The following POLR3B variants were observed in gnomAD, a reference collection of about 807,000 sequenced individuals.
POLR3B encodes DNA-directed RNA polymerase III subunit RPC2.
In POLR3B, 96 loss-of-function variants were observed where a neutral mutation model predicts 147.4. The observed-to-expected ratio is 0.65, with a 90% CI of 0.55 to 0.77. POLR3B has a LOEUF of 0.77. POLR3B is among the 30% of genes least tolerant of loss of function. The probability of loss-of-function intolerance (pLI) is 0.00; values close to 1 mark genes in which losing one functional copy is unlikely to be tolerated. For missense variants in POLR3B, 1,036 were observed against 1,413.5 expected, an observed-to-expected ratio of 0.73 and a Z score of 4.28; for synonymous variants, 461 against 485.9, an observed-to-expected ratio of 0.95 and a Z score of 0.67.
intron 11 of POLR3B, among the ~76,000 whole-genome samples, chr12:106,406,408 A>G (rs1256396477): frequency 6.6e-6 from 1 of 152,256 alleles, no homozygotes; most frequent in African/African-American, 2.4e-5. Flanking sequence ...ATAGTAAAAT[A>G]TGCTTAATGG....
chr12:106,475,718 G>C (rs2137050577), intron 23 of POLR3B, among the ~76,000 whole-genome samples: 1 of 146,572 alleles, frequency 6.8e-6, no homozygotes, highest in South Asian at 2.2e-4. Context: ...CCATTTGCTT[G>C]GTAGATCTTC....
chr12:106,466,702 A>G (rs2038010384), intron 23 of POLR3B, among the ~76,000 whole-genome samples: 2 of 152,182 alleles, frequency 1.3e-5, no homozygotes, highest in South Asian at 4.1e-4. Context: ...CATTTATTAA[A>G]TAGGGAATTT....
chr12:106,419,757 T>TG (rs11372086), intron 12 of POLR3B, among the ~76,000 whole-genome samples: 47,068 of 146,850 alleles, frequency 0.32, 10,479 homozygotes, highest in African/African-American at 0.63. Context: ...GAAGTCTACT[T>TG]TTTTTTTATT....
At chr12:106,459,444 G>A (rs963114897) in intron 22 of POLR3B, 76 bp downstream of exon 22, 4 of 835,410 alleles carry the variant, frequency 4.8e-6, no homozygotes, top group Non-Finnish European at 8.4e-6. Context: ...TCGAAGTTAG[G>A]TCTTGGCGTG....
intron 19 of POLR3B, among the ~76,000 whole-genome samples, chr12:106,447,640 G>A (rs1172129598): frequency 3.9e-5 from 6 of 152,178 alleles, no homozygotes; most frequent in Non-Finnish European, 8.8e-5. Context: ...CCGATGCCAA[G>A]TTCACATGAG....
At chr12:106,478,550 T>C (rs962751252) in intron 23 of POLR3B, among the ~76,000 whole-genome samples, 3 of 152,088 alleles carry the variant, frequency 2.0e-5, no homozygotes, top group Non-Finnish European at 4.4e-5. Flanking sequence ...GTAAAAACCT[T>C]CTGATTAGCC....
At chr12:106,473,856 T>A (rs911553233) in intron 23 of POLR3B, among the ~76,000 whole-genome samples, 1 of 150,158 alleles carries the variant, frequency 6.7e-6, no homozygotes, top group African/African-American at 2.5e-5. Flanking sequence ...TACCCTTTAT[T>A]TCCTTCTCCT....
chr12:106,376,527 C>G (rs1012225503), intron 7 of POLR3B, 77 bp downstream of exon 7: 32 of 1,039,262 alleles, frequency 3.1e-5, no homozygotes, highest in Non-Finnish European at 4.2e-5. Flanking sequence ...AACATTTTGT[C>G]TCAAAAACAG....
chr12:106,500,331 T>C (rs1592779961), intron 25 of POLR3B: 6 of 366,502 alleles, frequency 1.6e-5, no homozygotes, highest in South Asian at 8.5e-5. Flanking sequence ...CTACAGACTT[T>C]CTAAAGATTC....
chr12:106,493,706 G>T (rs1273650797), intron 23 of POLR3B, among the ~76,000 whole-genome samples: 2 of 152,240 alleles, frequency 1.3e-5, no homozygotes, highest in African/African-American at 4.8e-5. Flanking sequence ...TCTGCAGTTG[G>T]ATGTGTAGCT....
intron 23 of POLR3B, among the ~76,000 whole-genome samples, chr12:106,470,909 G>A (rs1050534473): frequency 5.3e-5 from 8 of 152,102 alleles, no homozygotes; most frequent in South Asian, 2.1e-4. Context: ...CAGGCTACAC[G>A]GGGGTCAGGG....
intron 12 of POLR3B, among the ~76,000 whole-genome samples, chr12:106,421,285 T>C (rs1027281196): frequency 1.3e-5 from 2 of 152,086 alleles, no homozygotes; most frequent in South Asian, 4.1e-4. Flanking sequence ...GGTTTCCATA[T>C]GCAAGAGTTT....
chr12:106,361,199 G>A (rs1219307155), intron 1 of POLR3B, among the ~76,000 whole-genome samples: 2 of 152,194 alleles, frequency 1.3e-5, no homozygotes, highest in South Asian at 4.1e-4. Context: ...GAGTAGTAAG[G>A]AAGTATTGCC....
intron 18 of POLR3B, among the ~76,000 whole-genome samples, chr12:106,444,005 TAG>T (rs1272259884): frequency 1.3e-5 from 2 of 151,072 alleles, no homozygotes; most frequent in African/African-American, 4.9e-5. Context: ...GTATTTTTAA[TAG>T]AGACAGGGTT....
rs760062367 is a variant in POLR3B, at chr12:106,504,784, T to C, written c.3272+530T>C. Among the ~76,000 whole-genome samples the C allele has an allele frequency of 2.6e-5, 4 of 152,220 alleles. No individual in the cohort carries two copies. Among genetic ancestry groups the C allele is most frequent in the Admixed American group, 6.5e-5 (1 of 15,282 alleles). On this transcript the variant is annotated intron_variant, in intron 27 of 27. Coordinates refer to ENST00000228347, the MANE Select transcript of POLR3B (RefSeq NM_018082.6). The surrounding 1 kb of genome is among the most constrained non-coding windows in gnomAD (Gnocchi z 4.6). ...AGCTGCTTCACACTTGTACTGTAGA[T>C]TCTGTGAGGGCAGAAACCGGGTCTG...
intron 19 of POLR3B, among the ~76,000 whole-genome samples, chr12:106,446,958 G>A (rs1389279916): frequency 6.6e-6 from 1 of 152,160 alleles, no homozygotes; most frequent in Non-Finnish European, 1.5e-5. Context: ...CAGATACCCA[G>A]GTCTGTAATG....
chr12:106,421,426 A>G (rs560690564), intron 12 of POLR3B, among the ~76,000 whole-genome samples: 1 of 152,276 alleles, frequency 6.6e-6, no homozygotes, highest in African/African-American at 2.4e-5. Flanking sequence ...GCTCCGTCCC[A>G]TGACTTACTA....
chr12:106,448,502 T>C (rs2037754610), intron 19 of POLR3B, among the ~76,000 whole-genome samples: 1 of 133,342 alleles, frequency 7.5e-6, no homozygotes, highest in African/African-American at 2.8e-5. Flanking sequence ...AGTGGCACGA[T>C]CACAACTCAC....
chr12:106,408,928 A>G (rs545039967), intron 11 of POLR3B, among the ~76,000 whole-genome samples: 3 of 152,320 alleles, frequency 2.0e-5, no homozygotes, highest in African/African-American at 7.2e-5. Context: ...TTAGAGTTCA[A>G]TCCCAAGGGG....
Sources: gnomAD v4.1 joint callset for allele counts (sites outside exome capture counted in the v4.1 genomes callset) on GRCh38, gnomAD v4.1.1 for gene constraint, Gnocchi (gnomAD v3.1) non-coding constraint, MANE v1.5 for transcripts, NCBI Gene and HGNC (gene_info 2026-07-23, HGNC 2026-07-21) for gene names.